Variants in WDHD1 observed in about 807,000 individuals in gnomAD.
WDHD1 encodes the protein WD repeat and HMG-box DNA-binding protein 1.
Under a neutral mutation model 135.4 loss-of-function variants are expected in WDHD1, and 111 were observed. The observed-to-expected ratio is 0.82, with a 90% CI of 0.70 to 0.96. The LOEUF (loss-of-function observed/expected upper bound fraction) is 0.96, where lower values mean the gene tolerates loss of function less well. WDHD1 is among the 40% of genes least tolerant of loss of function. WDHD1 has a pLI of 0.00. For missense variants in WDHD1, 1,351 were observed against 1,336.3 expected (o/e 1.01, Z -0.17); for synonymous variants, 434 against 439.0 (o/e 0.99, Z 0.14).
At chr14:54,980,213 G>A (rs1192607695) in intron 16 of WDHD1, among the ~76,000 whole-genome samples, 1 of 152,006 alleles carries the variant, frequency 6.6e-6, no homozygotes, top group Admixed American at 6.6e-5. Context: ...CTACTTGGAA[G>A]GCTAAGGTGG....
intron 10 of WDHD1, among the ~76,000 whole-genome samples, chr14:54,996,505 T>C (rs1305798122): frequency 2.0e-5 from 3 of 152,030 alleles, no homozygotes; most frequent in Non-Finnish European, 4.4e-5. Context: ...GAGGCTGAGG[T>C]AGGAGGGTCA....
At chr14:54,973,945 C>A (rs898351739) in intron 16 of WDHD1, among the ~76,000 whole-genome samples, 1 of 152,006 alleles carries the variant, frequency 6.6e-6, no homozygotes. Flanking sequence ...GAGACTTCAA[C>A]TAAAAAGATG....
intron 2 of WDHD1, among the ~76,000 whole-genome samples, chr14:55,015,777 C>T (rs1420965776): frequency 6.6e-6 from 1 of 151,828 alleles, no homozygotes; most frequent in African/African-American, 2.4e-5. Context: ...CAGCTCACTG[C>T]AACCTCTGCC....
intron 21 of WDHD1, among the ~76,000 whole-genome samples, chr14:54,962,052 G>A (rs971748331): frequency 6.6e-6 from 1 of 152,116 alleles, no homozygotes; most frequent in African/African-American, 2.4e-5. Context: ...GGCCAGGCTA[G>A]TCTAGAACTC....
At chr14:54,963,799 C>CAA (rs34281869) in intron 18 of WDHD1, among the ~76,000 whole-genome samples, 97 of 82,828 alleles carry the variant, frequency 1.2e-3, no homozygotes, top group African/African-American at 2.9e-3. Flanking sequence ...GACTCTGTCT[C>CAA]AAAAAAAAAA....
At chr14:54,982,355 A>G (rs1165292839) in intron 15 of WDHD1, among the ~76,000 whole-genome samples, 1 of 152,216 alleles carries the variant, frequency 6.6e-6, no homozygotes, top group Non-Finnish European at 1.5e-5. Flanking sequence ...AACATGAATC[A>G]GAAGGCTCCC....
At chr14:54,964,583 G>A (rs1430518824) in intron 18 of WDHD1, among the ~76,000 whole-genome samples, 1 of 151,788 alleles carries the variant, frequency 6.6e-6, no homozygotes, top group Non-Finnish European at 1.5e-5. Flanking sequence ...AGCTTGCAGT[G>A]AGCAGAGATC....
chr14:54,942,366 C>G (rs8019390), intron 25 of WDHD1, among the ~76,000 whole-genome samples: 52,855 of 151,866 alleles, frequency 0.35, 9,842 homozygotes, highest in African/African-American at 0.49. Flanking sequence ...GTGTAGCCTT[C>G]ACCCAGTTTT....
Position 54,984,860 on chromosome 14 carries a change from C to A in WDHD1, c.1769G>T (p.Gly590Val). The change falls in exon 15 of 26, where the codon GGT (glycine) becomes GTT (valine). Residue 590 changes from glycine to valine, a missense_variant and splice_region_variant. Around this residue, in one of 2 missense-constraint regions of WDHD1, gnomAD observed 1,330 missense variants for 1,296.1 expected, o/e 1.03. Coordinates refer to ENST00000360586, the MANE Select transcript of WDHD1 (RefSeq NM_007086.4). Reference sequence around the variant, plus strand: ...GCACTGATCCCCATCAAATCCTGTACCTAATGAGAAAATGTAAATATAAAT... The same window carrying A: ...GCACTGATCCCCATCAAATCCTGTAACTAATGAGAAAATGTAAATATAAAT... ...GEQLFIVYHR[G>V]TGFDGDQCLG... The A allele has an allele frequency of 6.2e-7, 1 of 1,608,198 alleles. No individual in the cohort carries two copies. The highest frequency in any genetic ancestry group is 8.5e-7 in the Non-Finnish European group (1 of 1,178,386).
intron 23 of WDHD1, among the ~76,000 whole-genome samples, chr14:54,956,179 AC>A (rs1273807244): frequency 6.6e-6 from 1 of 152,142 alleles, no homozygotes; most frequent in Admixed American, 6.6e-5. Flanking sequence ...AAAAATCAGG[AC>A]TCAGAACAAG....
chr14:54,959,791 C>G (rs947352636), intron 21 of WDHD1, among the ~76,000 whole-genome samples: 1 of 151,808 alleles, frequency 6.6e-6, no homozygotes, highest in Non-Finnish European at 1.5e-5. Flanking sequence ...CGCACCCCCC[C>G]CACCAAACAA....
At chr14:54,981,774 T>C (rs2041622587) in intron 15 of WDHD1, 78 bp from the exon 16 acceptor site, 2 of 842,620 alleles carry the variant, frequency 2.4e-6, no homozygotes, top group Non-Finnish European at 3.6e-6. Flanking sequence ...ATATTATACA[T>C]ACCAAGGATT....
intron 16 of WDHD1, among the ~76,000 whole-genome samples, chr14:54,974,822 C>T (rs976343286): frequency 6.6e-6 from 1 of 152,078 alleles, no homozygotes; most frequent in African/African-American, 2.4e-5. Flanking sequence ...GAGACTCTGT[C>T]TCGAAAAAAT....
intron 7 of WDHD1, among the ~76,000 whole-genome samples, chr14:55,006,200 T>C (rs981701019): frequency 1.3e-5 from 2 of 152,184 alleles, no homozygotes; most frequent in African/African-American, 2.4e-5. Context: ...AAACTATAGA[T>C]TAATTTAGGG....
intron 24 of WDHD1, among the ~76,000 whole-genome samples, chr14:54,949,296 G>A (rs1037632871): frequency 2.6e-5 from 4 of 152,118 alleles, no homozygotes; most frequent in African/African-American, 9.7e-5. Context: ...CCAGTGTAGA[G>A]AACTCCTCAA....
At chr14:55,009,080 C>A (rs150781215) in intron 4 of WDHD1, among the ~76,000 whole-genome samples, 276 of 152,284 alleles carry the variant, frequency 1.8e-3, no homozygotes, top group Middle Eastern at 6.8e-3. Context: ...CAGGCATGAG[C>A]CACTACGCCT....
chr14:55,008,514 T>C, intron 5 of WDHD1, 94 bp downstream of exon 5: 7 of 1,449,598 alleles, frequency 4.8e-6, no homozygotes, highest in Admixed American at 2.2e-5. Flanking sequence ...GGTTGAAAAG[T>C]TGAGTTAGCA....
intron 24 of WDHD1, among the ~76,000 whole-genome samples, chr14:54,949,254 A>G (rs898723776): frequency 5.9e-5 from 9 of 152,164 alleles, no homozygotes; most frequent in African/African-American, 2.2e-4. Context: ...AAAACCTTGA[A>G]AAAAGATTAG....
intron 16 of WDHD1, among the ~76,000 whole-genome samples, chr14:54,968,180 G>A (rs554230588): frequency 6.6e-6 from 1 of 152,110 alleles, no homozygotes; most frequent in South Asian, 2.1e-4. Flanking sequence ...TGAGACCATA[G>A]TAAAATAAAA....
Sources: gnomAD v4.1 joint callset for allele counts (sites outside exome capture counted in the v4.1 genomes callset) on GRCh38, gnomAD v4.1.1 for gene constraint, gnomAD v4.1.1 regional missense constraint, MANE v1.5 for transcripts, NCBI Gene and HGNC (gene_info 2026-07-23, HGNC 2026-07-21) for gene names.